ANK3: variants seen among roughly 807,000 people sequenced by gnomAD.
ANK3 encodes the protein ankyrin-3.
Under a neutral mutation model 370.9 loss-of-function variants are expected in ANK3, and 57 were observed. The ratio of observed to expected loss-of-function variants is 0.15; its 90% CI spans 0.12 to 0.19. The LOEUF (loss-of-function observed/expected upper bound fraction) is 0.19. Among genes scored for constraint, ANK3 ranks in the 10% least tolerant of loss-of-function variants. The probability of loss-of-function intolerance (pLI) is 1.00; values close to 1 mark genes in which losing one functional copy is unlikely to be tolerated. For missense variants in ANK3, 4,439 were observed against 5,302.1 expected (o/e 0.84, Z 5.06); for synonymous variants, 1,929 against 1,946.3 (o/e 0.99, Z 0.23).
chr10:60,118,962 C>A (rs1208883145), intron 25 of ANK3, among the ~76,000 whole-genome samples: 1 of 152,190 alleles, frequency 6.6e-6, no homozygotes, highest in Non-Finnish European at 1.5e-5. Flanking sequence ...TTCTTAACTT[C>A]TTTAGTCTTG....
chr10:60,641,098 G>C (rs1292551225), intron 1 of ANK3, among the ~76,000 whole-genome samples: 3 of 150,488 alleles, frequency 2.0e-5, no homozygotes, highest in Admixed American at 6.7e-5. Context: ...TCTTCAAGGA[G>C]AACTACAAAC....
intron 1 of ANK3, among the ~76,000 whole-genome samples, chr10:60,341,504 C>T (rs1009633123): frequency 6.6e-6 from 1 of 152,122 alleles, no homozygotes; most frequent in Non-Finnish European, 1.5e-5. Flanking sequence ...AGAGGTCCCA[C>T]TAAAATAACC....
At chr10:60,568,751 A>G (rs967692534) in intron 2 of ANK3, among the ~76,000 whole-genome samples, 1 of 151,994 alleles carries the variant, frequency 6.6e-6, no homozygotes, top group Non-Finnish European at 1.5e-5. Context: ...CCAAATTTAT[A>G]TGTTAAAATT....
Position 60,374,802 on chromosome 10 carries a change from G to A in ANK3, c.114+14623C>T, listed in dbSNP as rs567937769. ...CTGAATATAGAAAAATAAGAGATTC[G>A]TTGGTACTTTTGGTACACTCATAAA... is the stretch of plus-strand genomic sequence containing the variant. On this transcript the variant is annotated intron_variant, in intron 1 of 43. Coordinates refer to ENST00000280772, the MANE Select transcript of ANK3 (RefSeq NM_020987.5). Among the ~76,000 whole-genome samples the A allele has an allele frequency of 4.9e-4, 74 of 152,204 alleles. 2 individuals are homozygous for A. The South Asian group carries it at 0.014, about 29-fold the overall frequency.
intron 10 of ANK3, among the ~76,000 whole-genome samples, chr10:60,206,510 C>T (rs73269461): frequency 0.028 from 4,262 of 152,234 alleles, 207 homozygotes; most frequent in African/African-American, 0.095. Context: ...CCTCCTCTAC[C>T]TCATTTCAAA....
chr10:60,699,523 A>T (rs1286265669), intron 1 of ANK3, among the ~76,000 whole-genome samples: 4 of 152,222 alleles, frequency 2.6e-5, no homozygotes, highest in Middle Eastern at 6.9e-3. Context: ...AACTGAAACC[A>T]ATAAAAAAAT....
intron 1 of ANK3, among the ~76,000 whole-genome samples, chr10:60,386,272 G>T (rs1170115282): frequency 6.6e-6 from 1 of 152,064 alleles, no homozygotes; most frequent in Non-Finnish European, 1.5e-5. Context: ...AAAAGATATG[G>T]CAGGGAAGGG....
chr10:60,577,478 C>T (rs1380155784), intron 2 of ANK3, among the ~76,000 whole-genome samples: 1 of 152,056 alleles, frequency 6.6e-6, no homozygotes, highest in Non-Finnish European at 1.5e-5. Context: ...GTTTTCCTTG[C>T]ACTTTTTTTA....
chr10:60,251,260 G>A (rs186225232), intron 7 of ANK3, among the ~76,000 whole-genome samples: 3 of 152,276 alleles, frequency 2.0e-5, no homozygotes, highest in African/African-American at 7.2e-5. Context: ...AGGGTCTTCT[G>A]ACCAACCGCT....
intron 1 of ANK3, among the ~76,000 whole-genome samples, chr10:60,339,008 A>T (rs1260850524): frequency 7.5e-6 from 1 of 133,432 alleles, no homozygotes; most frequent in Non-Finnish European, 1.7e-5. Context: ...GTTTCCAAAG[A>T]CAATTAGCAT....
In ANK3 at chr10:60,123,575, C is replaced by T. The variant is rs187428898; in HGVS notation, c.2842-9244G>A. On this transcript the variant is annotated intron_variant, in intron 25 of 43. Coordinates refer to ENST00000280772, the MANE Select transcript of ANK3 (RefSeq NM_020987.5). The stretch of plus-strand genomic sequence containing the variant: ...AATTCTCTACGTTGCTGACTGTCAA[C>T]CTCCAGTGTTAGATGACATGAGTTA... Among the ~76,000 whole-genome samples, 15 of 152,300 alleles carry T rather than the reference C, an allele frequency of 9.8e-5. No homozygotes were observed. In the East Asian group the frequency reaches 2.9e-3, roughly 29 times the overall value.
chr10:60,641,834 G>A (rs1000300352), intron 1 of ANK3, among the ~76,000 whole-genome samples: 2 of 152,038 alleles, frequency 1.3e-5, no homozygotes, highest in African/African-American at 4.8e-5. Flanking sequence ...TACCATCAGA[G>A]TGAACAGGCA....
At chr10:60,334,264 T>A (rs886400244) in intron 1 of ANK3, among the ~76,000 whole-genome samples, 2 of 152,180 alleles carry the variant, frequency 1.3e-5, no homozygotes, top group African/African-American at 4.8e-5. Flanking sequence ...CATAAAATAA[T>A]CTTTGTAATT....
intron 2 of ANK3, among the ~76,000 whole-genome samples, chr10:60,411,149 C>G (rs138682135): frequency 6.6e-6 from 1 of 152,148 alleles, no homozygotes. Context: ...TGGACTGTGA[C>G]GTGAACCAGA....
At chr10:60,134,586 G>C (rs1416801304) in intron 24 of ANK3, among the ~76,000 whole-genome samples, 1 of 152,118 alleles carries the variant, frequency 6.6e-6, no homozygotes, top group Non-Finnish European at 1.5e-5. Flanking sequence ...TTTAAAATTA[G>C]GCCAATTTTG....
chr10:60,158,958 G>T (rs1318368008), intron 23 of ANK3, among the ~76,000 whole-genome samples: 1 of 151,884 alleles, frequency 6.6e-6, no homozygotes, highest in Non-Finnish European at 1.5e-5. Context: ...TTATAGGCAT[G>T]AGCCACCGTG....
chr10:60,517,836 G>C (rs1490765551), intron 2 of ANK3, among the ~76,000 whole-genome samples: 1 of 151,962 alleles, frequency 6.6e-6, no homozygotes, highest in Non-Finnish European at 1.5e-5. Flanking sequence ...ATCAGCCACT[G>C]GGGCCTCCCT....
Position 60,172,894 on chromosome 10 carries a change from G to A in ANK3, c.2382+6C>T, listed in dbSNP as rs114581617. 3.4e-5 allele frequency: 55 copies of A among 1,606,120 alleles called. 1 individual carries two copies. The highest frequency in any genetic ancestry group is 3.3e-4 in the Middle Eastern group (2 of 6,054). On this transcript the variant is annotated splice_donor_region_variant and intron_variant, in intron 20 of 43. Transcript: ENST00000280772. ...CTCTTCTCCTGAGCTGGCCCTGAGC[G>A]CTTACCACAGTGAGTTCATTGGGGG... is the stretch of plus-strand genomic sequence containing the variant.
At chr10:60,093,516 G>T (rs2089262358) in intron 28 of ANK3, among the ~76,000 whole-genome samples, 1 of 152,158 alleles carries the variant, frequency 6.6e-6, no homozygotes, top group Admixed American at 6.5e-5. Flanking sequence ...ATCTTTTGGG[G>T]AACTGGAAGT....
Sources: gnomAD v4.1 joint callset for allele counts (sites outside exome capture counted in the v4.1 genomes callset) on GRCh38, gnomAD v4.1.1 for gene constraint, MANE v1.5 for transcripts, NCBI Gene and HGNC (gene_info 2026-07-23, HGNC 2026-07-21) for gene names.